Variants in ASAP2 observed in about 807,000 individuals in gnomAD.
ASAP2 encodes ArfGAP with SH3 domain, ankyrin repeat and PH domain 2.
In ASAP2, 45 loss-of-function variants were observed where a neutral mutation model predicts 131.4. That is an observed-to-expected ratio of 0.34 (90% CI 0.27 to 0.44). The LOEUF (loss-of-function observed/expected upper bound fraction) is 0.44. Ranked by LOEUF, ASAP2 falls within the 20% of genes least tolerant of loss-of-function variation. ASAP2 has a pLI of 1.00. For synonymous variants in ASAP2, 510 were observed against 503.0 expected (o/e 1.01, Z -0.19); for missense variants, 1,011 against 1,297.0 (o/e 0.78, Z 3.39).
At chr2:9,271,020 C>T (rs1427468841) in intron 1 of ASAP2, among the ~76,000 whole-genome samples, 2 of 151,828 alleles carry the variant, frequency 1.3e-5, no homozygotes, top group South Asian at 2.1e-4. Flanking sequence ...GTCTCGATCT[C>T]GTGACCTCGT....
intron 1 of ASAP2, among the ~76,000 whole-genome samples, chr2:9,257,081 C>T (rs977990960): frequency 2.6e-5 from 4 of 152,182 alleles, no homozygotes; most frequent in African/African-American, 9.7e-5. Context: ...TGTCACAGGG[C>T]GTTTGGTAGA....
intron 1 of ASAP2, among the ~76,000 whole-genome samples, chr2:9,270,278 C>T (rs1666249759): frequency 6.6e-6 from 1 of 152,144 alleles, no homozygotes; most frequent in Admixed American, 6.5e-5. Flanking sequence ...TTTTCCCCCG[C>T]TCTGAGCTGG....
At chr2:9,265,316 G>A (rs1387989487) in intron 1 of ASAP2, among the ~76,000 whole-genome samples, 2 of 152,214 alleles carry the variant, frequency 1.3e-5, no homozygotes, top group African/African-American at 4.8e-5. Context: ...GAGCATCCTT[G>A]GATTTTGGAA....
intron 12 of ASAP2, among the ~76,000 whole-genome samples, chr2:9,355,317 C>T (rs1672623126): frequency 1.3e-5 from 2 of 152,116 alleles, no homozygotes; most frequent in Non-Finnish European, 2.9e-5. Context: ...TTCATGATGC[C>T]TTCTTAAAGA....
intron 2 of ASAP2, among the ~76,000 whole-genome samples, chr2:9,297,093 C>T (rs1668195205): frequency 6.6e-6 from 1 of 152,182 alleles, no homozygotes; most frequent in Non-Finnish European, 1.5e-5. Context: ...TCCCCTCTTG[C>T]ATACCACACT....
chr2:9,212,909 C>A (rs1005547762), intron 1 of ASAP2, among the ~76,000 whole-genome samples: 1 of 152,332 alleles, frequency 6.6e-6, no homozygotes, highest in East Asian at 1.9e-4. Flanking sequence ...GAGACGGAAC[C>A]CCGGCTGCAC....
chr2:9,387,079 G>C (rs1034311902), intron 21 of ASAP2, among the ~76,000 whole-genome samples: 31 of 145,404 alleles, frequency 2.1e-4, no homozygotes, highest in South Asian at 4.3e-4. Context: ...GGTGGTGGGT[G>C]GGGGGGCGCC....
At chr2:9,275,510 CA>C (rs763712528) in intron 1 of ASAP2, among the ~76,000 whole-genome samples, 4 of 152,200 alleles carry the variant, frequency 2.6e-5, no homozygotes, top group Non-Finnish European at 5.9e-5. Flanking sequence ...CTGGCTTTTC[CA>C]GAACGGCTAC....
chr2:9,239,799 C>T (rs774598324), intron 1 of ASAP2, among the ~76,000 whole-genome samples: 2 of 151,962 alleles, frequency 1.3e-5, no homozygotes, highest in Non-Finnish European at 2.9e-5. Flanking sequence ...GGTCACGGCT[C>T]ACTGCAGCCT....
chr2:9,317,767 A>G (rs902345763), intron 3 of ASAP2, among the ~76,000 whole-genome samples: 5 of 147,316 alleles, frequency 3.4e-5, no homozygotes, highest in Admixed American at 1.3e-4. Flanking sequence ...TCCGTACACA[A>G]TCACACCCTC....
At chr2:9,357,321 A>T (rs1404720873) in intron 14 of ASAP2, among the ~76,000 whole-genome samples, 1 of 152,130 alleles carries the variant, frequency 6.6e-6, no homozygotes, top group African/African-American at 2.4e-5. Flanking sequence ...TCTATTAAAA[A>T]TACCATAATT....
intron 24 of ASAP2, among the ~76,000 whole-genome samples, chr2:9,394,900 T>TA (rs1675996602): frequency 1.3e-5 from 2 of 152,306 alleles, no homozygotes; most frequent in African/African-American, 4.8e-5. Flanking sequence ...GGCTGGGGGT[T>TA]ACGGTCAGAG....
chr2:9,266,635 C>A (rs977275966), intron 1 of ASAP2, among the ~76,000 whole-genome samples: 1 of 152,100 alleles, frequency 6.6e-6, no homozygotes, highest in Admixed American at 6.6e-5. Flanking sequence ...CCACCCCGTT[C>A]TAGTCAAGAT....
At position 9,365,365 on chromosome 2, in the gene ASAP2, C is replaced by T. The variant is rs188638761; in HGVS notation, c.1462-3060C>T. Reference sequence around the variant, plus strand: ...TGACCTTGGGGTCTCCTGAGCTCAGCGGTCAGGGAAGTCTGGTTTCTCTCA... The same window carrying T: ...TGACCTTGGGGTCTCCTGAGCTCAGTGGTCAGGGAAGTCTGGTTTCTCTCA... On this transcript the variant is annotated intron_variant, in intron 15 of 27. Transcript: ENST00000281419. 4.9e-3 allele frequency among the ~76,000 whole-genome samples: 744 copies of T among 152,272 alleles called. 5 individuals carry two copies. The highest frequency in any genetic ancestry group is 0.017 in the African/African-American group (721 of 41,546).
intron 3 of ASAP2, among the ~76,000 whole-genome samples, chr2:9,301,619 T>C (rs138201520): frequency 6.6e-6 from 1 of 152,246 alleles, no homozygotes; most frequent in Non-Finnish European, 1.5e-5. Flanking sequence ...TAGAGGATTG[T>C]TAGTGAAAGA....
At chr2:9,223,410 T>G (rs1320432340) in intron 1 of ASAP2, among the ~76,000 whole-genome samples, 1 of 152,236 alleles carries the variant, frequency 6.6e-6, no homozygotes, top group Admixed American at 6.5e-5. Flanking sequence ...ACTAAGCCAG[T>G]AAGGCCTTAT....
rs748651944 is a variant in ASAP2 at position 9,379,060 on chromosome 2, G to A, written c.1948+1G>A. On this transcript the variant is annotated splice_donor_variant, in intron 19 of 27. Transcript: ENST00000281419. LOFTEE classifies it high-confidence loss of function. The stretch of plus-strand genomic sequence containing the variant: ...CGGGGGAAGGCCTCCATCGAGATAG[G>A]TGAGTGGGCCCGGGCCCCGGGGGTG... 1.3e-6 allele frequency: 2 copies of A among 1,544,464 alleles called. No individual in the cohort carries two copies. Among genetic ancestry groups the A allele is most frequent in the East Asian group, 2.5e-5 (1 of 40,480 alleles).
In ASAP2 at chr2:9,323,219, A is replaced by G; in HGVS notation, c.569A>G (p.Glu190Gly). The G allele has an allele frequency of 6.2e-7, 1 of 1,614,232 alleles. No homozygotes were observed. The highest frequency in any genetic ancestry group is 8.5e-7 in the Non-Finnish European group (1 of 1,180,042). ...GAEIAEEMEKERRFFQLQMCE... is the reference protein window; with the variant it reads ...GAEIAEEMEKGRRFFQLQMCE... ...GAAATTGCCGAAGAGATGGAAAAGGAGAGGCGCTTCTTCCAGCTACAGATG... is the reference window on the plus strand; with the variant it reads ...GAAATTGCCGAAGAGATGGAAAAGGGGAGGCGCTTCTTCCAGCTACAGATG... Residue 190 changes from glutamate to glycine, a missense_variant, in exon 6 of 28, where the codon GAG becomes GGG. Glu to Gly is a moderately conservative substitution (Grantham distance 98). Coordinates refer to ENST00000281419, the MANE Select transcript of ASAP2 (RefSeq NM_003887.3).
intron 2 of ASAP2, among the ~76,000 whole-genome samples, chr2:9,282,804 GCC>G (rs1558294583): frequency 5.9e-5 from 9 of 152,230 alleles, no homozygotes; most frequent in African/African-American, 2.2e-4. Context: ...AAGATTTCCT[GCC>G]TGCTTTCCTG....
Sources: gnomAD v4.1 joint callset for allele counts (sites outside exome capture counted in the v4.1 genomes callset) on GRCh38, gnomAD v4.1.1 for gene constraint, MANE v1.5 for transcripts, NCBI Gene and HGNC (gene_info 2026-07-23, HGNC 2026-07-21) for gene names.